Variants in KCNG4 observed in about 807,000 individuals in gnomAD.
KCNG4 encodes voltage-gated potassium channel regulatory subunit KCNG4.
KCNG4 carries 30 observed loss-of-function variants against 28.2 expected under a neutral mutation model. The observed-to-expected ratio is 1.06, with a 90% CI of 0.80 to 1.44. The LOEUF (loss-of-function observed/expected upper bound fraction) is 1.44. Ranked by LOEUF, KCNG4 falls within the 40% of genes most tolerant of loss-of-function variation. KCNG4 has a pLI of 0.00. For synonymous variants in KCNG4, 375 were observed against 315.5 expected (o/e 1.19, Z -2.00); for missense variants, 879 against 712.3 (o/e 1.23, Z -2.66).
chr16:84,236,443 CTG>C (rs1904950471), intron 2 of KCNG4: 2 of 470,746 alleles, frequency 4.2e-6, no homozygotes, highest in Admixed American at 7.7e-5. Context: ...AGAGGTGACA[CTG>C]TGTCTGTGTG....
chr16:84,222,720 G>A lies in KCNG4; in HGVS notation c.1057C>T (p.His353Tyr), dbSNP rs760217091. ...RILYVMRLARHSLGLQTLGLT... is the reference protein window; with the variant it reads ...RILYVMRLARYSLGLQTLGLT... ...CCCAGCGTCTGCAGCCCCAGCGAGT[G>A]GCGAGCCAGGCGCATCACGTAGAGG... The change falls in exon 3 of 3, where the codon CAC becomes TAC. Residue 353 changes from histidine to tyrosine, a missense_variant. Transcript: ENST00000308251. 1 of 1,612,862 alleles carries A rather than the reference G, an allele frequency of 6.2e-7. No homozygotes were observed. Among genetic ancestry groups the A allele is most frequent in the Non-Finnish European group, 8.5e-7 (1 of 1,179,594 alleles).
intron 2 of KCNG4, among the ~76,000 whole-genome samples, chr16:84,228,812 C>A (rs927904551): frequency 6.6e-6 from 1 of 152,244 alleles, no homozygotes; most frequent in Admixed American, 6.5e-5. Context: ...CCCGGGAGAC[C>A]CGCTGAGGGA....
chr16:84,237,027 C>G lies in KCNG4; in HGVS notation c.459G>C (p.Glu153Asp). 6.2e-7 allele frequency: 1 copy of G among 1,614,044 alleles called. No individual in the cohort carries two copies. The highest frequency in any genetic ancestry group is 8.5e-7 in the Non-Finnish European group (1 of 1,180,020). ...FQEELAYWGIEEAHLERCCLR... is the reference protein window; with the variant it reads ...FQEELAYWGIDEAHLERCCLR... ...GGCAGCACCTCTCCAGGTGGGCCTCCTCGATGCCCCAGTAGGCCAGCTCCT... is the reference window on the plus strand; with the variant it reads ...GGCAGCACCTCTCCAGGTGGGCCTCGTCGATGCCCCAGTAGGCCAGCTCCT... Residue 153 changes from glutamate to aspartate, a missense_variant, in exon 2 of 3, where the codon GAG (glutamate) becomes GAC (aspartate). Coordinates refer to ENST00000308251, the MANE Select transcript of KCNG4 (RefSeq NM_172347.3).
intron 1 of KCNG4, among the ~76,000 whole-genome samples, chr16:84,239,067 GC>G (rs1336864178): frequency 1.3e-5 from 2 of 152,096 alleles, no homozygotes; most frequent in African/African-American, 2.4e-5. Flanking sequence ...CATTTCCAAA[GC>G]ATCTATAAGC....
intron 2 of KCNG4, among the ~76,000 whole-genome samples, chr16:84,231,417 G>C (rs1904823863): frequency 6.7e-6 from 1 of 150,274 alleles, no homozygotes; most frequent in Admixed American, 6.6e-5. Context: ...GGTGGCCAGT[G>C]GTGTTCAGGC....
At position 84,219,132 on chromosome 16, in the gene KCNG4, A is replaced by G. The variant is rs1463806906; in HGVS notation, c.*3085T>C. On this transcript the variant is annotated 3_prime_UTR_variant, in exon 3 of 3. Transcript: ENST00000308251. ...AGGAGAGGAGACTGGGGATTTGCAC[A>G]TTCTTTTCAGTGTCATTAATTGCAA... is the stretch of plus-strand genomic sequence containing the variant. 2 of 152,238 alleles carry G rather than the reference A, an allele frequency of 1.3e-5. No individual in the cohort carries two copies. The highest frequency in any genetic ancestry group is 1.3e-4 in the Admixed American group (2 of 15,270). The allele number at this position is 152,238 out of a possible 1,614,324, so 9.4% of individuals were successfully genotyped here.
In KCNG4 at chr16:84,236,810, G is replaced by C. The variant is rs1481090569; in HGVS notation, c.676C>G (p.Leu226Val). Residue 226 changes from leucine to valine, a missense_variant, in exon 2 of 3, where the codon CTC (leucine) becomes GTC (valine). Physicochemically the swap from Leu to Val is conservative, Grantham distance 32 (BLOSUM62 1). Coordinates refer to ENST00000308251, the MANE Select transcript of KCNG4 (RefSeq NM_172347.3). ...SGLPGKVFAC[L>V]SILFVATTAV... Reference sequence around the variant, plus strand: ...GTGGTGGCCACGAAGAGGATGGAGAGGCAAGCGAAGACCTTCCCGGGCAGC... The same window carrying C: ...GTGGTGGCCACGAAGAGGATGGAGACGCAAGCGAAGACCTTCCCGGGCAGC... The C allele has an allele frequency of 6.2e-7, 1 of 1,613,668 alleles. No homozygotes were observed.
chr16:84,226,493 C>T lies in KCNG4; in HGVS notation c.757-3473G>A, dbSNP rs1209320423. Among the ~76,000 whole-genome samples, 2 of 152,106 alleles carry T rather than the reference C, an allele frequency of 1.3e-5. No homozygotes were observed. The highest frequency in any genetic ancestry group is 6.5e-5 in the Admixed American group (1 of 15,274). On this transcript the variant is annotated intron_variant, in intron 2 of 2. Transcript: ENST00000308251. This position sits in a 1 kb window ranked among gnomAD's most constrained non-coding sequence, Gnocchi z 4.1. ...GGATTTGTGCATTTCAGTGTATGTA[C>T]ATTTCACCTGTAAAACTGTAGAAGA... is the stretch of plus-strand genomic sequence containing the variant.
chr16:84,231,627 A>G (rs1214367751), intron 2 of KCNG4, among the ~76,000 whole-genome samples: 1 of 152,276 alleles, frequency 6.6e-6, no homozygotes, highest in East Asian at 1.9e-4. Context: ...CTGTAAAATG[A>G]CAAGTCCAGA....
intron 2 of KCNG4, among the ~76,000 whole-genome samples, chr16:84,225,526 G>C (rs1295399552): frequency 6.6e-6 from 1 of 152,228 alleles, no homozygotes; most frequent in Non-Finnish European, 1.5e-5. Context: ...CATTCACTCT[G>C]AGGCACCTGG....
chr16:84,222,183 T>G lies in KCNG4; in HGVS notation c.*34A>C. Reference sequence around the variant, plus strand: ...AGTGTGTTTCAGGCAGGGTGATGGGTTGAGGTTACCATGTAGTCATGGGGG... The same window carrying G: ...AGTGTGTTTCAGGCAGGGTGATGGGGTGAGGTTACCATGTAGTCATGGGGG... On this transcript the variant is annotated 3_prime_UTR_variant, in exon 3 of 3. Transcript: ENST00000308251. 1 of 1,603,554 alleles carries G rather than the reference T, an allele frequency of 6.2e-7. No homozygotes were observed. The highest frequency in any genetic ancestry group is 1.1e-5 in the South Asian group (1 of 89,912).
At chr16:84,230,070 C>T (rs183668154) in intron 2 of KCNG4, among the ~76,000 whole-genome samples, 3 of 151,966 alleles carry the variant, frequency 2.0e-5, no homozygotes, top group Non-Finnish European at 4.4e-5. Flanking sequence ...AGCTGCATCC[C>T]GGGGAGGAGG....
Position 84,219,169 on chromosome 16 carries a change from C to T in KCNG4, c.*3048G>A, listed in dbSNP as rs1904497442. The stretch of plus-strand genomic sequence containing the variant: ...GTCATTAATTGCAAATGTTTTGCCC[C>T]AGGAGGCAGAGCTCTGCCTGCTTTG... On this transcript the variant is annotated 3_prime_UTR_variant, in exon 3 of 3. Coordinates refer to ENST00000308251, the MANE Select transcript of KCNG4 (RefSeq NM_172347.3). The T allele has an allele frequency of 6.6e-6, 1 of 152,264 alleles. No individual in the cohort carries two copies. The highest frequency in any genetic ancestry group is 2.4e-5 in the African/African-American group (1 of 41,442). The allele number at this position is 152,264 out of a possible 1,614,324, so 9.4% of individuals were successfully genotyped here.
In KCNG4 at chr16:84,222,614, A is replaced by G. The variant is rs751926792; in HGVS notation, c.1163T>C (p.Leu388Ser). The stretch of plus-strand genomic sequence containing the variant: ...GGACTCCTTCTCGGCCACGTAGACC[A>G]AAGGGGAGAAGAGGGTGATGGCCAC... ...LAVAITLFSP[L>S]VYVAEKESGR... The change falls in exon 3 of 3, where the codon TTG (leucine) becomes TCG (serine). Residue 388 changes from leucine to serine, a missense_variant. Physicochemically the swap from Leu to Ser is moderately radical, Grantham distance 145. Coordinates refer to ENST00000308251, the MANE Select transcript of KCNG4 (RefSeq NM_172347.3). 8 of 1,613,344 alleles carry G rather than the reference A, an allele frequency of 5.0e-6. No homozygotes were observed. Among genetic ancestry groups the G allele is most frequent in the Non-Finnish European group, 6.8e-6 (8 of 1,179,974 alleles).
At chr16:84,225,626 A>T (rs1486357734) in intron 2 of KCNG4, among the ~76,000 whole-genome samples, 1 of 152,216 alleles carries the variant, frequency 6.6e-6, no homozygotes, top group East Asian at 1.9e-4. Context: ...TAAAATACTT[A>T]TAGCCTGGGA....
rs1904540148 is a variant in KCNG4, at chr16:84,220,820, G to A, written c.*1397C>T. 6.6e-6 allele frequency: 1 copy of A among 152,286 alleles called. No homozygotes were observed. The highest frequency in any genetic ancestry group is 2.4e-5 in the African/African-American group (1 of 41,456). The allele number at this position is 152,286 out of a possible 1,614,324, so 9.4% of individuals were successfully genotyped here. On this transcript the variant is annotated 3_prime_UTR_variant, in exon 3 of 3. Coordinates refer to ENST00000308251, the MANE Select transcript of KCNG4 (RefSeq NM_172347.3). ...GGCTGTCTTGCCTGAATGGCTCAAT[G>A]GCTCCTCATCCCAAACTGGGCTTCT...
At chr16:84,230,095 C>T (rs549345343) in intron 2 of KCNG4, among the ~76,000 whole-genome samples, 70 of 152,130 alleles carry the variant, frequency 4.6e-4, no homozygotes, top group Admixed American at 1.0e-3. Context: ...AAGAGTCCCG[C>T]CTGGTCTTTG....
At chr16:84,223,087 A>G (rs1904619108) in intron 2 of KCNG4, 67 bp from the exon 3 acceptor site, 1 of 1,255,044 alleles carries the variant, frequency 8.0e-7, no homozygotes, top group Non-Finnish European at 1.1e-6. Flanking sequence ...AAATCGGGGG[A>G]CGACTTCATG....
At chr16:84,223,097 G>T in intron 2 of KCNG4, 77 bp from the exon 3 acceptor site, 1 of 1,162,456 alleles carries the variant, frequency 8.6e-7, no homozygotes, top group Non-Finnish European at 1.2e-6. Context: ...ACGACTTCAT[G>T]CCCATGAGCT....
Sources: allele counts gnomAD v4.1 joint callset (sites outside exome capture counted in the v4.1 genomes callset), GRCh38; gene constraint gnomAD v4.1.1; non-coding constraint Gnocchi (gnomAD v3.1); transcripts MANE v1.5; gene names NCBI Gene and HGNC (gene_info 2026-07-23, HGNC 2026-07-21).